DMD: variants seen among roughly 807,000 people sequenced by gnomAD.
DMD encodes the protein dystrophin, also known as mutant dystrophin.
In DMD, 63 loss-of-function variants were observed where a neutral mutation model predicts 330.1. The observed-to-expected ratio is 0.19, with a 90% CI of 0.16 to 0.24. DMD has a LOEUF of 0.24. DMD is among the 10% of genes least tolerant of loss of function. The pLI, the probability that DMD is intolerant of heterozygous loss-of-function variation, is 1.00. For synonymous variants in DMD, 1,223 were observed against 959.8 expected, an observed-to-expected ratio of 1.27 and a Z score of -5.07; for missense variants, 3,344 against 2,684.1, an observed-to-expected ratio of 1.25 and a Z score of -5.43.
At chrX:31,672,133 A>G (rs2081838368) in intron 53 of DMD, among the ~76,000 whole-genome samples, 3 of 111,067 alleles carry the variant, frequency 2.7e-5, no homozygotes, top group African/African-American at 9.8e-5. Context: ...ATATTTTTGT[A>G]TTTTCTTATT....
chrX:31,876,033 A>G (rs2093962455), intron 47 of DMD, among the ~76,000 whole-genome samples: 1 of 112,507 alleles, frequency 8.9e-6, no homozygotes, highest in Admixed American at 9.4e-5. Context: ...GTCCTAGTAA[A>G]CAGAAGCAGG....
Position 33,009,515 on chromosome X carries a change from CAT to C in DMD, c.93+10622_93+10623del, listed in dbSNP as rs1266857073. ...GTGTATATGTATATGTGTATATACA[CAT>C]ATGTGTGTATGTGTGTATGTGTATA... On this transcript the variant is annotated intron_variant, in intron 2 of 78. Transcript: ENST00000357033. 1.3e-4 allele frequency among the ~76,000 whole-genome samples: 11 copies of C among 81,592 alleles called. 2 individuals are homozygous for C. Among genetic ancestry groups the C allele is most frequent in the South Asian group, 5.8e-4 (1 of 1,710 alleles). The allele number at this position is 81,592 out of a possible 115,157, so 70.9% of individuals were successfully genotyped here. A position where few individuals can be genotyped will look rare whatever the true frequency, so the allele number is the denominator to read the frequency against.
chrX:31,635,925 G>A (rs960943683), intron 54 of DMD, among the ~76,000 whole-genome samples: 1 of 111,771 alleles, frequency 8.9e-6, no homozygotes, highest in African/African-American at 3.3e-5. Flanking sequence ...CAGTCAGAAT[G>A]GCTATCACTA....
chrX:32,803,092 G>T (rs2076698416), intron 7 of DMD, among the ~76,000 whole-genome samples: 2 of 111,542 alleles, frequency 1.8e-5, no homozygotes, highest in African/African-American at 6.5e-5. Context: ...GAATCTGTCT[G>T]GTCCTGGGCT....
At chrX:33,051,141 CT>C (rs1291247301) in intron 1 of DMD, among the ~76,000 whole-genome samples, 1 of 109,889 alleles carries the variant, frequency 9.1e-6, no homozygotes, top group African/African-American at 3.3e-5. Context: ...CATATCATTT[CT>C]TTTTAAAACT....
At chrX:32,780,145 CCTT>C (rs2074574268) in intron 7 of DMD, among the ~76,000 whole-genome samples, 4 of 111,482 alleles carry the variant, frequency 3.6e-5, no homozygotes, top group Non-Finnish European at 7.5e-5. Context: ...ACAAAATATG[CCTT>C]ATGTTTCTAA....
At chrX:32,010,342 T>C (rs2095697112) in intron 44 of DMD, among the ~76,000 whole-genome samples, 3 of 111,826 alleles carry the variant, frequency 2.7e-5, no homozygotes, top group Non-Finnish European at 5.6e-5. Context: ...CAATTCTGCA[T>C]TCAATGACGT....
In DMD at chrX:32,672,762, G is replaced by A. The variant is rs772304055; in HGVS notation, c.960+25108C>T. 1.0e-4 allele frequency among the ~76,000 whole-genome samples: 11 copies of A among 110,243 alleles called. No homozygotes were observed. In the South Asian group the frequency reaches 4.3e-3, roughly 43 times the overall value. ...CAAAGAAAAAAATGTTACAGTTCTG[G>A]CAGCCATCTATCATAACAAAACTGT... is the stretch of plus-strand genomic sequence containing the variant. On this transcript the variant is annotated intron_variant, in intron 9 of 78. Coordinates refer to ENST00000357033, the MANE Select transcript of DMD (RefSeq NM_004006.3).
intron 55 of DMD, among the ~76,000 whole-genome samples, chrX:31,536,260 G>A (rs2073399228): frequency 9.0e-6 from 1 of 111,519 alleles, no homozygotes; most frequent in African/African-American, 3.3e-5. Context: ...ATAATAATAA[G>A]TAAGCTAATG....
chrX:32,556,571 T>C (rs915126631), intron 16 of DMD, among the ~76,000 whole-genome samples: 7 of 111,684 alleles, frequency 6.3e-5, no homozygotes. Flanking sequence ...TGCTCATCAA[T>C]GATAGACAAG....
intron 47 of DMD, among the ~76,000 whole-genome samples, chrX:31,879,374 A>C (rs1815018568): frequency 9.0e-6 from 1 of 111,292 alleles, no homozygotes; most frequent in African/African-American, 3.3e-5. Context: ...ATCCTCTTCC[A>C]TGATTCAATT....
chrX:32,585,319 T>G (rs1181184177), intron 13 of DMD, among the ~76,000 whole-genome samples: 1 of 112,310 alleles, frequency 8.9e-6, no homozygotes, highest in African/African-American at 3.2e-5. Context: ...AAATATCACA[T>G]GTACTCTATA....
intron 1 of DMD, among the ~76,000 whole-genome samples, chrX:33,194,354 A>G (rs780433456): frequency 9.0e-6 from 1 of 110,581 alleles, no homozygotes; most frequent in Non-Finnish European, 1.9e-5. Context: ...ACAATATATT[A>G]TATAAGGCCT....
intron 7 of DMD, among the ~76,000 whole-genome samples, chrX:32,709,586 T>C (rs2064998158): frequency 9.0e-6 from 1 of 111,437 alleles, no homozygotes; most frequent in Admixed American, 9.6e-5. Context: ...GTTTTGTTTT[T>C]GCATCTCAAA....
rs112923756 is a variant in DMD at position 33,041,634 on chromosome X, G to T, written c.32-21434C>A. The T allele has an allele frequency of 3.1e-5, 37 of 1,207,743 alleles. No homozygotes were observed. The African/African-American group carries it at 4.0e-4, about 13-fold the overall frequency. ...AAGCCGCATATTTGGATCTTCAACA[G>T]ATATTAGAAAGTGAAAAAGACTTGG... On this transcript the variant is annotated intron_variant, in intron 1 of 78. Transcript: ENST00000357033.
chrX:32,653,372 A>G (rs992288178), intron 9 of DMD, among the ~76,000 whole-genome samples: 1 of 112,068 alleles, frequency 8.9e-6, no homozygotes, highest in Non-Finnish European at 1.9e-5. Context: ...AGCTTTCTAC[A>G]TATGGCTAGC....
chrX:32,770,115 G>C (rs1456098084), intron 7 of DMD, among the ~76,000 whole-genome samples: 2 of 111,909 alleles, frequency 1.8e-5, no homozygotes, highest in African/African-American at 6.5e-5. Flanking sequence ...CACATGGTGG[G>C]AAGCAATAAA....
At chrX:31,732,912 G>A (rs980089812) in intron 51 of DMD, among the ~76,000 whole-genome samples, 6 of 111,269 alleles carry the variant, frequency 5.4e-5, no homozygotes, top group African/African-American at 2.0e-4. Flanking sequence ...AACTTAAAGC[G>A]AACAAAACTA....
At chrX:32,652,287 T>TC (rs1360697511) in intron 9 of DMD, among the ~76,000 whole-genome samples, 1 of 46,414 alleles carries the variant, frequency 2.2e-5, no homozygotes, top group African/African-American at 9.4e-5. Flanking sequence ...CCCTCCCCCC[T>TC]CCCCCCACCC....
Sources: allele counts gnomAD v4.1 joint callset (sites outside exome capture counted in the v4.1 genomes callset), GRCh38; gene constraint gnomAD v4.1.1; transcripts MANE v1.5; gene names NCBI Gene and HGNC (gene_info 2026-07-23, HGNC 2026-07-21).